TMEM132C: variants seen among roughly 807,000 people sequenced by gnomAD.
TMEM132C encodes the protein protein phosphatase 1, regulatory subunit 152.
In TMEM132C, 29 loss-of-function variants were observed where a neutral mutation model predicts 61.4. That is an observed-to-expected ratio of 0.47 (90% confidence interval 0.35 to 0.64). The LOEUF (loss-of-function observed/expected upper bound fraction) is 0.64. Ranked by LOEUF, TMEM132C falls within the 30% of genes least tolerant of loss-of-function variation. TMEM132C has a pLI of 0.00. For synonymous variants in TMEM132C, 656 were observed against 633.1 expected (o/e 1.04, Z -0.54); for missense variants, 1,408 against 1,476.9 (o/e 0.95, Z 0.76).
chr12:128,428,234 A>AT (rs370008206), intron 2 of TMEM132C, among the ~76,000 whole-genome samples: 1,876 of 67,138 alleles, frequency 0.028, 35 homozygotes, highest in African/African-American at 0.076. Flanking sequence ...TTAAAAAGGA[A>AT]TTTTTTTTCC....
chr12:128,681,212 T>A (rs771495950), intron 5 of TMEM132C, among the ~76,000 whole-genome samples: 2 of 152,154 alleles, frequency 1.3e-5, no homozygotes, highest in Non-Finnish European at 2.9e-5. Context: ...ACTCCTGACC[T>A]CAAGTGATCT....
intron 1 of TMEM132C, among the ~76,000 whole-genome samples, chr12:128,335,575 G>C (rs1190201441): frequency 6.6e-6 from 1 of 152,166 alleles, no homozygotes; most frequent in African/African-American, 2.4e-5. Context: ...AACCTCTTTT[G>C]ATTATCATTG....
At position 128,578,472 on chromosome 12, in the gene TMEM132C, G is replaced by A. The variant is rs1419642936; in HGVS notation, c.1121+34369G>A. Among the ~76,000 whole-genome samples the A allele has an allele frequency of 7.9e-5, 12 of 152,242 alleles. No homozygotes were observed. The South Asian group carries it at 1.7e-3, about 21-fold the overall frequency. On this transcript the variant is annotated intron_variant, in intron 3 of 8. Transcript: ENST00000435159. The stretch of plus-strand genomic sequence containing the variant: ...TTTACTTGAGTATCCATCTGAATTC[G>A]TTTGTACCTTCAAAGTCTACTTGTC...
chr12:128,670,268 C>T (rs1172329275), intron 5 of TMEM132C, among the ~76,000 whole-genome samples: 2 of 152,184 alleles, frequency 1.3e-5, no homozygotes, highest in African/African-American at 4.8e-5. Context: ...GAGATCGTGC[C>T]ACTGCACTCC....
chr12:128,639,438 G>C (rs1388609642), intron 4 of TMEM132C, among the ~76,000 whole-genome samples: 1 of 150,342 alleles, frequency 6.7e-6, no homozygotes, highest in Non-Finnish European at 1.5e-5. Context: ...CAAGAATGAT[G>C]GTGATGATAA....
At chr12:128,646,859 A>G (rs2135604189) in intron 4 of TMEM132C, among the ~76,000 whole-genome samples, 1 of 151,116 alleles carries the variant, frequency 6.6e-6, no homozygotes, top group East Asian at 2.0e-4. Context: ...TCAGTCCATC[A>G]GCATTGGATG....
intron 1 of TMEM132C, among the ~76,000 whole-genome samples, chr12:128,408,004 A>G (rs1683721): frequency 0.49 from 73,919 of 151,964 alleles, 18,382 homozygotes; most frequent in South Asian, 0.74. Flanking sequence ...CTTAGCCACT[A>G]TACAAGGCCT....
rs1041385752 is a variant in TMEM132C, at chr12:128,415,703, G to C, written c.974+83G>C. The C allele has an allele frequency of 7.1e-7, 1 of 1,414,874 alleles. No homozygotes were observed. Among genetic ancestry groups the C allele is most frequent in the Non-Finnish European group, 9.4e-7 (1 of 1,068,628 alleles). The allele number at this position is 1,414,874 out of a possible 1,614,324, so 87.6% of individuals were successfully genotyped here. On this transcript the variant is annotated intron_variant, in intron 2 of 8. Transcript: ENST00000435159. The surrounding 1 kb of genome is among the most constrained non-coding windows in gnomAD (Gnocchi z 5.8). ...CCATGCGTGGCAGATAGATATTCAGGAAGCATCGATTTTCACTACCTTCAG... is the reference window on the plus strand; with the variant it reads ...CCATGCGTGGCAGATAGATATTCAGCAAGCATCGATTTTCACTACCTTCAG...
At chr12:128,297,269 G>A (rs1365515609) in intron 1 of TMEM132C, among the ~76,000 whole-genome samples, 2 of 152,176 alleles carry the variant, frequency 1.3e-5, no homozygotes, top group African/African-American at 4.8e-5. Flanking sequence ...TCTGTGCTGT[G>A]AACACCATGC....
At chr12:128,445,215 C>CT in intron 2 of TMEM132C, among the ~76,000 whole-genome samples, 1 of 149,964 alleles carries the variant, frequency 6.7e-6, no homozygotes, top group Non-Finnish European at 1.5e-5. Context: ...AAAACTACAA[C>CT]TTTTTTCCCT....
intron 2 of TMEM132C, among the ~76,000 whole-genome samples, chr12:128,447,891 T>C (rs1870044090): frequency 7.2e-6 from 1 of 138,106 alleles, no homozygotes; most frequent in Admixed American, 7.2e-5. Flanking sequence ...CGCGCCCGGC[T>C]AATTTTTTGT....
intron 2 of TMEM132C, among the ~76,000 whole-genome samples, chr12:128,472,737 G>A (rs987528465): frequency 3.3e-5 from 5 of 152,170 alleles, no homozygotes; most frequent in African/African-American, 4.8e-5. Context: ...GGTCAGCTTC[G>A]GCCTGGATTT....
chr12:128,398,109 C>T (rs1165863258), intron 1 of TMEM132C, among the ~76,000 whole-genome samples: 1 of 152,208 alleles, frequency 6.6e-6, no homozygotes, highest in African/African-American at 2.4e-5. Flanking sequence ...AGAGCGGATG[C>T]TGAGCATCAG....
intron 1 of TMEM132C, among the ~76,000 whole-genome samples, chr12:128,325,476 A>G (rs1281506199): frequency 1.3e-5 from 2 of 152,202 alleles, no homozygotes; most frequent in Non-Finnish European, 1.5e-5. Flanking sequence ...ATGCCTGTAT[A>G]AATGTATCTA....
At chr12:128,657,392 T>C (rs765643483) in intron 4 of TMEM132C, among the ~76,000 whole-genome samples, 1 of 152,202 alleles carries the variant, frequency 6.6e-6, no homozygotes, top group Admixed American at 6.5e-5. Flanking sequence ...TCTTTTTCTT[T>C]ACTTCAGGAA....
At chr12:128,557,710 T>C (rs1178265661) in intron 3 of TMEM132C, among the ~76,000 whole-genome samples, 1 of 152,238 alleles carries the variant, frequency 6.6e-6, no homozygotes, top group African/African-American at 2.4e-5. Flanking sequence ...GTTCATCCAC[T>C]TTGGAAAACC....
At chr12:128,306,496 C>T (rs1871789989) in intron 1 of TMEM132C, among the ~76,000 whole-genome samples, 1 of 152,176 alleles carries the variant, frequency 6.6e-6, no homozygotes, top group South Asian at 2.1e-4. Flanking sequence ...GCCACCGCAC[C>T]TGGCCACCCT....
chr12:128,390,030 A>G (rs866039118), intron 1 of TMEM132C, among the ~76,000 whole-genome samples: 73 of 152,078 alleles, frequency 4.8e-4, no homozygotes, highest in Admixed American at 2.4e-3. Flanking sequence ...GGCATGCCCC[A>G]CCATGCCAAG....
At chr12:128,645,378 C>T (rs890410671) in intron 4 of TMEM132C, among the ~76,000 whole-genome samples, 1 of 152,196 alleles carries the variant, frequency 6.6e-6, no homozygotes, top group Admixed American at 6.5e-5. Context: ...CCAGCATCTT[C>T]CTACCAAGAC....
Sources: gnomAD v4.1 joint callset for allele counts (sites outside exome capture counted in the v4.1 genomes callset) on GRCh38, gnomAD v4.1.1 for gene constraint, Gnocchi (gnomAD v3.1) non-coding constraint, MANE v1.5 for transcripts, NCBI Gene and HGNC (gene_info 2026-07-23, HGNC 2026-07-21) for gene names.